Variants in AP1AR observed in about 807,000 individuals in gnomAD.
AP1AR encodes the protein adaptor related protein complex 1 associated regulatory protein, also known as AP-1 complex-associated regulatory protein.
AP1AR carries 29 observed loss-of-function variants against 46.3 expected under a neutral mutation model. The observed-to-expected ratio is 0.63, with a 90% CI of 0.47 to 0.85. The LOEUF is 0.85. AP1AR is among the 40% of genes least tolerant of loss of function. AP1AR has a pLI of 0.00. For synonymous variants in AP1AR, 122 were observed against 122.9 expected (o/e 0.99, Z 0.05); for missense variants, 357 against 356.3 (o/e 1.00, Z -0.02).
intron 4 of AP1AR, 60 bp from the exon 5 acceptor site, chr4:112,260,706 G>A (rs1726402226): frequency 3.5e-6 from 4 of 1,130,154 alleles, no homozygotes; most frequent in Non-Finnish European, 5.0e-6. Context: ...GTTTTATTTG[G>A]ACTTAGACTC....
At chr4:112,240,392 C>T (rs992253175) in intron 1 of AP1AR, among the ~76,000 whole-genome samples, 1 of 152,164 alleles carries the variant, frequency 6.6e-6, no homozygotes, top group African/African-American at 2.4e-5. Flanking sequence ...ATCTGCTTTT[C>T]TTCTGTGCAT....
chr4:112,246,035 A>G (rs911142932), intron 1 of AP1AR, among the ~76,000 whole-genome samples: 1 of 152,014 alleles, frequency 6.6e-6, no homozygotes, highest in Non-Finnish European at 1.5e-5. Context: ...ACTGTGATCC[A>G]GTTTCCTTTT....
chr4:112,263,493 T>G (rs1726542554), intron 6 of AP1AR, among the ~76,000 whole-genome samples: 1 of 151,900 alleles, frequency 6.6e-6, no homozygotes, highest in African/African-American at 2.4e-5. Flanking sequence ...TTTTTTAAAT[T>G]GCTAGAATTT....
At chr4:112,267,003 C>T (rs1452675733) in intron 9 of AP1AR, among the ~76,000 whole-genome samples, 4 of 151,774 alleles carry the variant, frequency 2.6e-5, no homozygotes, top group Admixed American at 1.3e-4. Flanking sequence ...ATTACTACCC[C>T]CTTGTGGACA....
chr4:112,242,284 T>C (rs981848671), intron 1 of AP1AR, among the ~76,000 whole-genome samples: 6 of 152,188 alleles, frequency 3.9e-5, no homozygotes, highest in Admixed American at 3.9e-4. Flanking sequence ...ACCACGTTAG[T>C]TTCAAATTCT....
At chr4:112,244,254 C>T (rs995407552) in intron 1 of AP1AR, among the ~76,000 whole-genome samples, 1 of 152,058 alleles carries the variant, frequency 6.6e-6, no homozygotes, top group Non-Finnish European at 1.5e-5. Flanking sequence ...AGTTAAAATC[C>T]TAATAGGAAT....
In AP1AR at chr4:112,272,535, C is replaced by A. The variant is rs1578428359; in HGVS notation, c.*4126C>A. Among the ~76,000 whole-genome samples, 1 of 152,196 alleles carries A rather than the reference C, an allele frequency of 6.6e-6. No homozygotes were observed. The highest frequency in any genetic ancestry group is 2.1e-4 in the South Asian group (1 of 4,818). Reference sequence around the variant, plus strand: ...AATCACCAAAAGGCCCTTCCAGATACTGGCAAACCACTGCACATACAGGGA... The same window carrying A: ...AATCACCAAAAGGCCCTTCCAGATAATGGCAAACCACTGCACATACAGGGA... On this transcript the variant is annotated 3_prime_UTR_variant, in exon 10 of 10. Coordinates refer to ENST00000274000, the MANE Select transcript of AP1AR (RefSeq NM_018569.6).
rs1726981884 is a variant in AP1AR, at chr4:112,272,192, A to G, written c.*3783A>G. Among the ~76,000 whole-genome samples the G allele has an allele frequency of 6.6e-6, 1 of 152,130 alleles. No homozygotes were observed. Among genetic ancestry groups the G allele is most frequent in the African/African-American group, 2.4e-5 (1 of 41,426 alleles). On this transcript the variant is annotated 3_prime_UTR_variant, in exon 10 of 10. Transcript: ENST00000274000. ...CTGGAAGGGGATGTGGAGTTATAGAAGGGTTTTTATTTAAAAGATACTAGC... is the reference window on the plus strand; with the variant it reads ...CTGGAAGGGGATGTGGAGTTATAGAGGGGTTTTTATTTAAAAGATACTAGC...
chr4:112,250,035 A>T (rs1725889904), intron 1 of AP1AR, among the ~76,000 whole-genome samples: 2 of 152,236 alleles, frequency 1.3e-5, no homozygotes, highest in Admixed American at 1.3e-4. Flanking sequence ...CAGGCACTTT[A>T]GAAGCACTTG....
rs764102584 is a variant in AP1AR, at chr4:112,266,570, A to C, written c.515-18A>C. 6.2e-7 allele frequency: 1 copy of C among 1,605,848 alleles called. No individual in the cohort carries two copies. The highest frequency in any genetic ancestry group is 1.1e-5 in the South Asian group (1 of 90,022). On this transcript the variant is annotated intron_variant, in intron 8 of 9. Transcript: ENST00000274000. The stretch of plus-strand genomic sequence containing the variant: ...AGAGTAGATGAGAGTATTCAATTGT[A>C]TTTCGTGTATATTCTAGGACTCTCA...
At chr4:112,236,181 A>G (rs1725232835) in intron 1 of AP1AR, among the ~76,000 whole-genome samples, 4 of 151,840 alleles carry the variant, frequency 2.6e-5, no homozygotes. Flanking sequence ...CCTTAAACAT[A>G]CTGAACCTGT....
chr4:112,233,639 A>G (rs1005908198), intron 1 of AP1AR, among the ~76,000 whole-genome samples: 9 of 152,238 alleles, frequency 5.9e-5, no homozygotes. Context: ...ATGGATAAGC[A>G]AAAAACTTTA....
chr4:112,265,271 C>T (rs999561590), intron 7 of AP1AR: 1 of 456,190 alleles, frequency 2.2e-6, no homozygotes, highest in Non-Finnish European at 3.9e-6. Context: ...GACTTTATTG[C>T]ATTTTTAAGA....
intron 2 of AP1AR, among the ~76,000 whole-genome samples, chr4:112,253,693 A>G (rs982835523): frequency 2.0e-5 from 3 of 152,238 alleles, no homozygotes; most frequent in Non-Finnish European, 2.9e-5. Context: ...CTTACCTACT[A>G]TAAACTAGCC....
chr4:112,249,741 A>G (rs1239862084), intron 1 of AP1AR, among the ~76,000 whole-genome samples: 1 of 152,168 alleles, frequency 6.6e-6, no homozygotes, highest in South Asian at 2.1e-4. Context: ...ATAGTGAGAT[A>G]CCATCTTGTG....
chr4:112,246,421 G>A (rs1288529950), intron 1 of AP1AR, among the ~76,000 whole-genome samples: 1 of 152,180 alleles, frequency 6.6e-6, no homozygotes, highest in African/African-American at 2.4e-5. Context: ...CAGGAAAATC[G>A]CTTGAACCCA....
intron 1 of AP1AR, among the ~76,000 whole-genome samples, chr4:112,235,259 T>TGGG (rs1725190848): frequency 6.6e-6 from 1 of 152,214 alleles, no homozygotes. Context: ...TAGACTTAGT[T>TGGG]TTTTCTTTCT....
chr4:112,257,945 A>T (rs939016712), intron 4 of AP1AR, 148 bp downstream of exon 4: 23 of 611,268 alleles, frequency 3.8e-5, no homozygotes, highest in Non-Finnish European at 6.1e-5. Context: ...TATAAGATTG[A>T]GACAAATATC....
At chr4:112,245,198 G>T (rs972524881) in intron 1 of AP1AR, among the ~76,000 whole-genome samples, 1 of 151,968 alleles carries the variant, frequency 6.6e-6, no homozygotes, top group African/African-American at 2.4e-5. Context: ...ATGAATAATA[G>T]TTAATTAATA....
Sources: allele counts gnomAD v4.1 joint callset (sites outside exome capture counted in the v4.1 genomes callset), GRCh38; gene constraint gnomAD v4.1.1; transcripts MANE v1.5; gene names NCBI Gene and HGNC (gene_info 2026-07-23, HGNC 2026-07-21).